Variants in KLF12 observed in about 807,000 individuals in gnomAD.
KLF12 encodes Krueppel-like factor 12.
In KLF12, 9 loss-of-function variants were observed where a neutral mutation model predicts 37.8. That is an observed-to-expected ratio of 0.24 (90% confidence interval 0.14 to 0.42). KLF12 has a LOEUF of 0.42. KLF12 is among the 10% of genes least tolerant of loss of function. The pLI is 1.00. For synonymous variants in KLF12, 208 were observed against 202.1 expected, an observed-to-expected ratio of 1.03 and a Z score of -0.25; for missense variants, 411 against 516.0, an observed-to-expected ratio of 0.80 and a Z score of 1.97.
At position 73,734,654 on chromosome 13, in the gene KLF12, A is replaced by G. The variant is rs529983330; in HGVS notation, c.870-19129T>C. The stretch of plus-strand genomic sequence containing the variant: ...GGGAAACATGATTTTGCTATTATCT[A>G]TTGGTCAGTTAAGGAAAGAAACATC... On this transcript the variant is annotated intron_variant, in intron 6 of 7. Transcript: ENST00000377669. 5.9e-5 allele frequency among the ~76,000 whole-genome samples: 9 copies of G among 152,166 alleles called. No homozygotes were observed. In the East Asian group the frequency reaches 1.7e-3, roughly 29 times the overall value.
At chr13:73,791,935 G>C (rs1881710091) in intron 5 of KLF12, among the ~76,000 whole-genome samples, 1 of 152,170 alleles carries the variant, frequency 6.6e-6, no homozygotes, top group Admixed American at 6.5e-5. Flanking sequence ...TTGGTTGGCA[G>C]AATGTACTAA....
chr13:73,949,189 A>G (rs1191747538), intron 2 of KLF12, among the ~76,000 whole-genome samples: 1 of 152,212 alleles, frequency 6.6e-6, no homozygotes, highest in African/African-American at 2.4e-5. Context: ...TACTCTATGT[A>G]CCTACCTGTC....
At chr13:74,019,289 C>G (rs1278372415) in intron 1 of KLF12, among the ~76,000 whole-genome samples, 2 of 152,178 alleles carry the variant, frequency 1.3e-5, no homozygotes, top group Non-Finnish European at 2.9e-5. Context: ...AACACTCAAA[C>G]TTTCATTACA....
intron 1 of KLF12, among the ~76,000 whole-genome samples, chr13:74,122,081 G>A (rs1226543153): frequency 6.6e-6 from 1 of 152,012 alleles, no homozygotes; most frequent in Non-Finnish European, 1.5e-5. Flanking sequence ...CAGAGAGAAA[G>A]AGAAGGAATT....
At chr13:74,039,497 T>G (rs1893346542) in intron 1 of KLF12, among the ~76,000 whole-genome samples, 1 of 145,604 alleles carries the variant, frequency 6.9e-6, no homozygotes, top group Non-Finnish European at 1.5e-5. Context: ...ACCACCATAC[T>G]CCAGCCTGGG....
chr13:73,813,285 G>C lies in KLF12; in HGVS notation c.673C>G (p.Gln225Glu), dbSNP rs375557815. ...GGAGATAGGCCTCGGGGGTCCATTT[G>C]TGCTGGAGAGAAAAGGCATATATAA... The change falls in exon 5 of 8, where the codon CAA becomes GAA. Residue 225 changes from glutamine (Q) to glutamate (E), a missense_variant and splice_region_variant. Around this residue, in one of 2 missense-constraint regions of KLF12, gnomAD observed 351 missense variants for 397.8 expected, o/e 0.88. Coordinates refer to ENST00000377669, the MANE Select transcript of KLF12 (RefSeq NM_007249.5). 1 of 1,613,888 alleles carries C rather than the reference G, an allele frequency of 6.2e-7. No homozygotes were observed. The highest frequency in any genetic ancestry group is 8.5e-7 in the Non-Finnish European group (1 of 1,179,886).
intron 5 of KLF12, among the ~76,000 whole-genome samples, chr13:73,772,177 T>G (rs144921145): frequency 3.0e-4 from 45 of 152,310 alleles, no homozygotes; most frequent in African/African-American, 9.6e-4. Context: ...AACCAACATT[T>G]ATTGTGCACC....
the KLF12 span, among the ~76,000 whole-genome samples, chr13:74,165,546 A>AC: frequency 4.2e-4 from 64 of 151,904 alleles, no homozygotes; most frequent in African/African-American, 1.5e-3. Context: ...TGATCTACTC[A>AC]CCTCAGCCTC....
At position 73,964,677 on chromosome 13, in the gene KLF12, A is replaced by G. The variant is rs116052192; in HGVS notation, c.34-20607T>C. On this transcript the variant is annotated intron_variant, in intron 2 of 7. Coordinates refer to ENST00000377669, the MANE Select transcript of KLF12 (RefSeq NM_007249.5). ...ACCCGAAAGCTTTTTGGACCCCCCA[A>G]TTCTTTCAAAAAGGTATCAGAAGCT... Among the ~76,000 whole-genome samples, 931 of 151,298 alleles carry G rather than the reference A, an allele frequency of 6.2e-3. 4 individuals are homozygous for G. Among genetic ancestry groups the G allele is most frequent in the African/African-American group, 0.02 (817 of 41,188 alleles).
At chr13:74,091,088 T>C (rs981658467) in intron 1 of KLF12, among the ~76,000 whole-genome samples, 3 of 152,166 alleles carry the variant, frequency 2.0e-5, no homozygotes, top group Non-Finnish European at 2.9e-5. Context: ...CTATGGCCAA[T>C]AGATTTTTGA....
At chr13:74,130,072 G>C (rs547433529) in intron 1 of KLF12, among the ~76,000 whole-genome samples, 135 of 152,324 alleles carry the variant, frequency 8.9e-4, no homozygotes, top group African/African-American at 3.1e-3. Context: ...TCTGGGCATA[G>C]GGCAAGGCCC....
chr13:74,038,535 G>A (rs1893317637), intron 1 of KLF12, among the ~76,000 whole-genome samples: 1 of 152,002 alleles, frequency 6.6e-6, no homozygotes, highest in South Asian at 2.1e-4. Context: ...ATGAACACCT[G>A]AAGTTGATCC....
intron 1 of KLF12, among the ~76,000 whole-genome samples, chr13:74,086,018 G>T (rs1400863178): frequency 2.0e-5 from 3 of 150,706 alleles, no homozygotes; most frequent in Non-Finnish European, 4.4e-5. Flanking sequence ...AATTATGAAA[G>T]ATATATTGAG....
chr13:73,829,109 T>C (rs141183930), intron 4 of KLF12, among the ~76,000 whole-genome samples: 160 of 152,296 alleles, frequency 1.1e-3, no homozygotes, highest in African/African-American at 3.7e-3. Context: ...TGTGGCTTTT[T>C]TGTCTGCTTT....
At chr13:73,835,710 C>A (rs925651622) in intron 4 of KLF12, among the ~76,000 whole-genome samples, 3 of 152,076 alleles carry the variant, frequency 2.0e-5, no homozygotes, top group Non-Finnish European at 4.4e-5. Context: ...TATATACACA[C>A]CCCCTGCCCG....
the KLF12 span, among the ~76,000 whole-genome samples, chr13:74,159,656 C>A: frequency 6.6e-6 from 1 of 152,172 alleles, no homozygotes; most frequent in African/African-American, 2.4e-5. Flanking sequence ...ATTTCTTTCA[C>A]TCTTATTCAG....
Position 74,034,192 on chromosome 13 carries a change from A to G in KLF12, c.-31-39139T>C, listed in dbSNP as rs556650885. 2.0e-5 allele frequency among the ~76,000 whole-genome samples: 3 copies of G among 152,162 alleles called. No homozygotes were observed. The South Asian group carries it at 6.2e-4, about 32-fold the overall frequency. On this transcript the variant is annotated intron_variant, in intron 1 of 7. Transcript: ENST00000377669. ...ATTTTCCTGCCTCAGCCTCCCAAGT[A>G]GCTGGGATTAGAGGCACCCACCACC... is the stretch of plus-strand genomic sequence containing the variant.
intron 3 of KLF12, among the ~76,000 whole-genome samples, chr13:73,855,902 C>G (rs1446626157): frequency 1.3e-5 from 2 of 152,162 alleles, no homozygotes; most frequent in African/African-American, 4.8e-5. Context: ...TTCACATAAA[C>G]CAACACTTTA....
At chr13:74,083,493 GACACACAC>G (rs61312097) in intron 1 of KLF12, among the ~76,000 whole-genome samples, 3,974 of 136,474 alleles carry the variant, frequency 0.029, 104 homozygotes, top group African/African-American at 0.073. Context: ...GGCGATAGGA[GACACACAC>G]ACACACACAC....
Sources: allele counts gnomAD v4.1 joint callset (sites outside exome capture counted in the v4.1 genomes callset), GRCh38; gene constraint gnomAD v4.1.1; regional missense constraint gnomAD v4.1.1; transcripts MANE v1.5; gene names NCBI Gene and HGNC (gene_info 2026-07-23, HGNC 2026-07-21).